The following WLS variants were observed in gnomAD, a reference collection of about 807,000 sequenced individuals.
WLS encodes the protein Wnt ligand secretion mediator, also known as protein wntless homolog.
Under a neutral mutation model 62.8 loss-of-function variants are expected in WLS, and 23 were observed. The observed-to-expected ratio is 0.37, with a 90% CI of 0.26 to 0.52. WLS has a LOEUF of 0.52. Among genes scored for constraint, WLS ranks in the 20% least tolerant of loss-of-function variants. The probability of loss-of-function intolerance (pLI) is 0.92; values close to 1 mark genes in which losing one functional copy is unlikely to be tolerated. For missense variants in WLS, 615 were observed against 697.3 expected, an observed-to-expected ratio of 0.88 and a Z score of 1.33; for synonymous variants, 246 against 244.1, an observed-to-expected ratio of 1.01 and a Z score of -0.07.
chr1:68,159,084 C>G, intron 3 of WLS, 39 bp downstream of exon 3: 1 of 1,610,042 alleles, frequency 6.2e-7, no homozygotes, highest in Non-Finnish European at 8.5e-7. Flanking sequence ...ACCTGAGAAC[C>G]AAATAAAAAC....
chr1:68,162,425 C>A (rs114559913), intron 2 of WLS: 2 of 1,613,450 alleles, frequency 1.2e-6, no homozygotes, highest in Non-Finnish European at 1.7e-6. Context: ...ACCCTCTGCA[C>A]GCCCAGGGAT....
downstream of WLS, among the ~76,000 whole-genome samples, chr1:68,123,989 C>CT (rs140053298): frequency 0.62 from 94,732 of 151,974 alleles, 30,222 homozygotes; most frequent in Middle Eastern, 0.73. Flanking sequence ...ACTTAGAAAA[C>CT]TTTAAGTAGT....
intron 11 of WLS, among the ~76,000 whole-genome samples, chr1:68,115,161 G>C (rs1251461626): frequency 1.3e-5 from 2 of 152,156 alleles, no homozygotes; most frequent in Non-Finnish European, 2.9e-5. Context: ...TTTTCAGGAG[G>C]TCCCTCTGGG....
chr1:68,144,500 G>T, intron 10 of WLS, 69 bp downstream of exon 10: 1 of 1,457,198 alleles, frequency 6.9e-7, no homozygotes, highest in Non-Finnish European at 9.4e-7. Context: ...TGGCTCTATT[G>T]AATTTCTGTG....
intron 10 of WLS, among the ~76,000 whole-genome samples, chr1:68,143,766 G>A (rs1646717621): frequency 6.6e-6 from 1 of 152,120 alleles, no homozygotes; most frequent in Non-Finnish European, 1.5e-5. Context: ...ATCCCTCTTT[G>A]TAAATATTAC....
downstream of WLS, among the ~76,000 whole-genome samples, chr1:68,121,456 A>G (rs989340063): frequency 5.3e-5 from 8 of 152,224 alleles, no homozygotes; most frequent in Non-Finnish European, 8.8e-5. Context: ...CACAGGAGAC[A>G]GGAAGCTCTG....
chr1:68,159,251 C>T lies in WLS; in HGVS notation c.380-4G>A. On this transcript the variant is annotated splice_polypyrimidine_tract_variant and splice_region_variant and intron_variant, in intron 2 of 11. Coordinates refer to ENST00000262348, the MANE Select transcript of WLS (RefSeq NM_024911.7). ...ATGGAGACTTCTGCATTTTCTCCTGCAAGAGAAAGGATGCACGTTTCAGAA... is the reference window on the plus strand; with the variant it reads ...ATGGAGACTTCTGCATTTTCTCCTGTAAGAGAAAGGATGCACGTTTCAGAA... 1 of 1,611,720 alleles carries T rather than the reference C, an allele frequency of 6.2e-7. No individual in the cohort carries two copies. Among genetic ancestry groups the T allele is most frequent in the Non-Finnish European group, 8.5e-7 (1 of 1,179,424 alleles).
At chr1:68,128,078 T>C (rs1202313593) in intron 11 of WLS, among the ~76,000 whole-genome samples, 2 of 152,164 alleles carry the variant, frequency 1.3e-5, no homozygotes, top group African/African-American at 4.8e-5. Flanking sequence ...CTGAAGACAT[T>C]TGGGGCTGTT....
chr1:68,132,452 C>T (rs183168438), intron 11 of WLS, among the ~76,000 whole-genome samples: 3 of 152,284 alleles, frequency 2.0e-5, no homozygotes, highest in Admixed American at 6.5e-5. Flanking sequence ...AATGTCAGGG[C>T]CTCAGGACTT....
At position 68,134,856 on chromosome 1, in the gene WLS, T is replaced by C. The variant is rs111497000; in HGVS notation, c.1516+2924A>G. Among the ~76,000 whole-genome samples the C allele has an allele frequency of 7.9e-3, 1,204 of 152,314 alleles. 8 individuals are homozygous for C. The highest frequency in any genetic ancestry group is 0.024 in the Middle Eastern group (7 of 294). ...TTCAAGCCTAGGAGACTGGCTACTG[T>C]GTAGGGTGGGAAGTCCTGATGGGAG... On this transcript the variant is annotated intron_variant, in intron 11 of 11. Transcript: ENST00000262348.
intron 1 of WLS, among the ~76,000 whole-genome samples, chr1:68,217,838 G>GCC (rs371585500): frequency 6.6e-6 from 1 of 152,010 alleles, no homozygotes; most frequent in Non-Finnish European, 1.5e-5. Context: ...TTCCCCCACC[G>GCC]CCCCCTGCTT....
At chr1:68,134,148 GTTC>G (rs1241758758) in intron 11 of WLS, among the ~76,000 whole-genome samples, 3 of 152,176 alleles carry the variant, frequency 2.0e-5, no homozygotes, top group African/African-American at 7.2e-5. Context: ...CCTTGCAAGA[GTTC>G]TTCTTTGAGG....
chr1:68,152,036 T>C (rs1646833423), intron 5 of WLS, among the ~76,000 whole-genome samples: 1 of 152,104 alleles, frequency 6.6e-6, no homozygotes, highest in Admixed American at 6.6e-5. Context: ...CTGGTGAGGT[T>C]GATGAGAAGT....
chr1:68,126,091 G>A lies in WLS; in HGVS notation c.*135C>T. 1.4e-6 allele frequency: 2 copies of A among 1,450,924 alleles called. No individual in the cohort carries two copies. Among genetic ancestry groups the A allele is most frequent in the East Asian group, 5.0e-5 (2 of 39,858 alleles). 89.9% of individuals were successfully genotyped at this position (1,450,924 alleles called of 1,614,324 possible). On this transcript the variant is annotated 3_prime_UTR_variant, in exon 12 of 12. Coordinates refer to ENST00000262348, the MANE Select transcript of WLS (RefSeq NM_024911.7). ...AGAAGGCAAACTGACAAATGTCCAT[G>A]CCGCTGGTCCAAGAAACCACAGCTA...
chr1:68,137,997 A>G lies in WLS; in HGVS notation c.1363-64T>C, dbSNP rs889633615. The G allele has an allele frequency of 9.4e-6, 15 of 1,587,884 alleles. No homozygotes were observed. In the African/African-American group the frequency reaches 1.4e-4, roughly 14 times the overall value. On this transcript the variant is annotated intron_variant, in intron 10 of 11. Coordinates refer to ENST00000262348, the MANE Select transcript of WLS (RefSeq NM_024911.7). ...AAGAAACAGAAGAAACATAACACCAATAAAGGAACCAACCAACATGAAAAC... is the reference window on the plus strand; with the variant it reads ...AAGAAACAGAAGAAACATAACACCAGTAAAGGAACCAACCAACATGAAAAC...
chr1:68,186,113 T>C (rs1647922150), intron 2 of WLS, among the ~76,000 whole-genome samples: 1 of 152,336 alleles, frequency 6.6e-6, no homozygotes, highest in South Asian at 2.1e-4. Context: ...AATTTATTAC[T>C]ATAAAGTACC....
chr1:68,130,874 G>A (rs1255013418), intron 11 of WLS, among the ~76,000 whole-genome samples: 1 of 147,340 alleles, frequency 6.8e-6, no homozygotes, highest in East Asian at 2.0e-4. Context: ...AATGGTGAAT[G>A]GTAGGTTTCT....
At chr1:68,210,304 T>TA (rs1649460833) in intron 1 of WLS, among the ~76,000 whole-genome samples, 1 of 152,174 alleles carries the variant, frequency 6.6e-6, no homozygotes, top group Non-Finnish European at 1.5e-5. Context: ...AGGGGTATTT[T>TA]AACTGGAGAA....
intron 1 of WLS, among the ~76,000 whole-genome samples, chr1:68,194,961 T>A (rs1557512817): frequency 6.6e-6 from 1 of 152,208 alleles, no homozygotes; most frequent in Non-Finnish European, 1.5e-5. Flanking sequence ...TATTAATAAC[T>A]TGGAAAATAC....
Sources: gnomAD v4.1 joint callset for allele counts (sites outside exome capture counted in the v4.1 genomes callset) on GRCh38, gnomAD v4.1.1 for gene constraint, MANE v1.5 for transcripts, NCBI Gene and HGNC (gene_info 2026-07-23, HGNC 2026-07-21) for gene names.